The following MAST4 variants were observed in gnomAD, a reference collection of about 807,000 sequenced individuals.
The protein encoded by MAST4 is microtubule-associated serine/threonine-protein kinase 4.
MAST4 carries 89 observed loss-of-function variants against 162.7 expected under a neutral mutation model. The observed-to-expected ratio is 0.55, with a 90% CI of 0.46 to 0.65. MAST4 has a LOEUF of 0.65. Ranked by LOEUF, MAST4 falls within the 30% of genes least tolerant of loss-of-function variation. The pLI is 0.00. For synonymous variants in MAST4, 1,479 were observed against 1,361.1 expected (o/e 1.09, Z -1.91); for missense variants, 3,153 against 3,374.0 (o/e 0.93, Z 1.62).
chr5:66,631,555 G>C (rs553783687), intron 1 of MAST4, among the ~76,000 whole-genome samples: 2 of 152,088 alleles, frequency 1.3e-5, no homozygotes, highest in African/African-American at 2.4e-5. Flanking sequence ...GAATCATTAC[G>C]TAATGCCTTT....
chr5:66,616,915 A>C (rs1024628329), intron 1 of MAST4, among the ~76,000 whole-genome samples: 2 of 152,234 alleles, frequency 1.3e-5, no homozygotes, highest in African/African-American at 4.8e-5. Flanking sequence ...GCTGAATTGC[A>C]GTGCTCAATT....
chr5:67,104,206 T>C (rs1371634949), intron 9 of MAST4, among the ~76,000 whole-genome samples, 160 bp from the exon 10 acceptor site: 1 of 152,238 alleles, frequency 6.6e-6, no homozygotes, highest in African/African-American at 2.4e-5. Flanking sequence ...GTATGTACCA[T>C]TATTTTATCA....
rs371645725 is a variant in MAST4 at position 66,790,087 on chromosome 5, G to A, written c.642+1293G>A. On this transcript the variant is annotated intron_variant, in intron 3 of 28. Coordinates refer to ENST00000403625, the MANE Select transcript of MAST4 (RefSeq NM_001164664.2). ...AGTCTGTACAAGTTACTTTTGCATG[G>A]GTGGTAGGGTTGTATGATATGGAAA... 6.1e-5 allele frequency among the ~76,000 whole-genome samples: 9 copies of A among 147,090 alleles called. 1 individual carries two copies. The South Asian group carries it at 2.0e-3, about 32-fold the overall frequency.
Position 66,722,025 on chromosome 5 carries a change from T to C in MAST4, c.364-37684T>C, listed in dbSNP as rs1751242795. On this transcript the variant is annotated intron_variant, in intron 1 of 28. Coordinates refer to ENST00000403625, the MANE Select transcript of MAST4 (RefSeq NM_001164664.2). The stretch of plus-strand genomic sequence containing the variant: ...CATTGCAAGTACTGCTGTAGTCTCC[T>C]AAGTTGTCTCCTTGCTTCCATCCCT... Among the ~76,000 whole-genome samples, 3 of 152,198 alleles carry C rather than the reference T, an allele frequency of 2.0e-5. No homozygotes were observed. In the South Asian group the frequency reaches 6.2e-4, roughly 32 times the overall value.
intron 4 of MAST4, among the ~76,000 whole-genome samples, chr5:66,944,967 C>T (rs1427734705): frequency 6.6e-6 from 1 of 152,102 alleles, no homozygotes; most frequent in Non-Finnish European, 1.5e-5. Context: ...TTTTGGGAGT[C>T]ATATCCCATC....
At chr5:66,615,245 C>T (rs1486001601) in intron 1 of MAST4, among the ~76,000 whole-genome samples, 2 of 152,094 alleles carry the variant, frequency 1.3e-5, no homozygotes, top group Non-Finnish European at 2.9e-5. Flanking sequence ...GGGTTGGAGC[C>T]CAGTAAACCT....
intron 5 of MAST4, among the ~76,000 whole-genome samples, chr5:67,078,848 T>TTATATATATTTATATAAATATATATTTA (rs552369051): frequency 5.4e-5 from 6 of 111,106 alleles, no homozygotes; most frequent in African/African-American, 2.0e-4. Flanking sequence ...TTAAATATAT[T>TTATATATATTTATATAAATATATATTTA]TATATATTTA....
chr5:66,836,066 G>A (rs761795311), intron 3 of MAST4, among the ~76,000 whole-genome samples: 5 of 152,128 alleles, frequency 3.3e-5, no homozygotes, highest in African/African-American at 4.8e-5. Context: ...AAGTACCTGG[G>A]AGACTGACGC....
At position 67,165,393 on chromosome 5, in the gene MAST4, C is replaced by G. The variant is rs1425857746; in HGVS notation, c.6214C>G (p.Leu2072Val). 1 of 1,613,812 alleles carries G rather than the reference C, an allele frequency of 6.2e-7. No individual in the cohort carries two copies. Among genetic ancestry groups the G allele is most frequent in the Non-Finnish European group, 8.5e-7 (1 of 1,179,852 alleles). ...AGCTGGAATTCCCTGTGAGAAGGAG[C>G]TGGGCAAGGTGAGGCGTGGCGTGGA... is the stretch of plus-strand genomic sequence containing the variant. Reference protein sequence around the residue: ...HSAGIPCEKELGKVRRGVEPK... With the variant: ...HSAGIPCEKEVGKVRRGVEPK... The change falls in exon 29 of 29, where the codon CTG (leucine) becomes GTG (valine). Residue 2072 changes from leucine to valine, a missense_variant. Around this residue, in one of 7 missense-constraint regions of MAST4, gnomAD observed 1,644 missense variants for 1,495.0 expected, o/e 1.10. Coordinates refer to ENST00000403625, the MANE Select transcript of MAST4 (RefSeq NM_001164664.2).
chr5:66,876,859 C>T (rs1761335252), intron 3 of MAST4, among the ~76,000 whole-genome samples: 1 of 152,072 alleles, frequency 6.6e-6, no homozygotes, highest in African/African-American at 2.4e-5. Context: ...ACCATTTAGC[C>T]ATTGGAAGCA....
At chr5:66,910,683 T>C (rs916204203) in intron 4 of MAST4, among the ~76,000 whole-genome samples, 4 of 151,894 alleles carry the variant, frequency 2.6e-5, no homozygotes, top group Non-Finnish European at 4.4e-5. Flanking sequence ...CCTCACCCTC[T>C]GAGTATTTTG....
At chr5:66,684,730 T>C (rs1479900991) in intron 1 of MAST4, among the ~76,000 whole-genome samples, 1 of 152,122 alleles carries the variant, frequency 6.6e-6, no homozygotes, top group Non-Finnish European at 1.5e-5. Context: ...CTGGAAAGAA[T>C]AATGCTAGTA....
At chr5:66,632,088 G>C (rs556043593) in intron 1 of MAST4, among the ~76,000 whole-genome samples, 9 of 152,160 alleles carry the variant, frequency 5.9e-5, no homozygotes, top group African/African-American at 1.9e-4. Flanking sequence ...ATTTTCCTGG[G>C]AAAAATCCTT....
intron 3 of MAST4, among the ~76,000 whole-genome samples, chr5:66,894,677 T>A (rs1226226107): frequency 1.3e-5 from 2 of 152,182 alleles, no homozygotes; most frequent in Admixed American, 1.3e-4. Context: ...AACTTGAAAT[T>A]CATTGGTGTC....
intron 4 of MAST4, chr5:66,964,127 A>G: frequency 2.1e-6 from 1 of 483,188 alleles, no homozygotes; most frequent in Admixed American, 2.4e-5. Context: ...AATTCCTATG[A>G]GAGTATTATA....
intron 4 of MAST4, among the ~76,000 whole-genome samples, chr5:67,032,010 G>GT (rs1391706614): frequency 1.3e-5 from 2 of 152,150 alleles, no homozygotes; most frequent in Non-Finnish European, 2.9e-5. Flanking sequence ...CGTTGAAGGG[G>GT]TGCTTATTTG....
rs773001472 is a variant in MAST4, at chr5:67,164,842, C to CA, written c.5664dup (p.Val1889SerfsTer5). 9.9e-6 allele frequency: 16 copies of CA among 1,613,904 alleles called. No individual in the cohort carries two copies. The highest frequency in any genetic ancestry group is 1.4e-5 in the Non-Finnish European group (16 of 1,179,908). On this transcript the variant is annotated frameshift_variant, in exon 29 of 29. Coordinates refer to ENST00000403625, the MANE Select transcript of MAST4 (RefSeq NM_001164664.2). LOFTEE classifies it low-confidence loss of function (END_TRUNC). This position sits in a 1 kb window ranked among gnomAD's most constrained non-coding sequence, Gnocchi z 5.3. The stretch of plus-strand genomic sequence containing the variant: ...AGCCGAGGTCTCCAGAATTCACCAG[C>CA]AGTTTCCCTGCCTGACCCAGAGTTC...
intron 11 of MAST4, among the ~76,000 whole-genome samples, chr5:67,110,820 T>A (rs1367825694): frequency 6.6e-6 from 1 of 152,108 alleles, no homozygotes; most frequent in Non-Finnish European, 1.5e-5. Context: ...GGTCAGGAGT[T>A]CCAGACCAGC....
chr5:66,737,545 A>C (rs1752226483), intron 1 of MAST4, among the ~76,000 whole-genome samples: 1 of 152,222 alleles, frequency 6.6e-6, no homozygotes, highest in South Asian at 2.1e-4. Context: ...GCGCCTGGGC[A>C]GCTGAGAGTC....
Sources: allele counts gnomAD v4.1 joint callset (sites outside exome capture counted in the v4.1 genomes callset), GRCh38; gene constraint gnomAD v4.1.1; regional missense constraint gnomAD v4.1.1; non-coding constraint Gnocchi (gnomAD v3.1); transcripts MANE v1.5; gene names NCBI Gene and HGNC (gene_info 2026-07-23, HGNC 2026-07-21).